The following ANGEL2 variants were observed in gnomAD, a reference collection of about 807,000 sequenced individuals.
ANGEL2 encodes the protein RNA 2',3'-cyclic phosphatase ANGEL2.
ANGEL2 carries 41 observed loss-of-function variants against 66.0 expected under a neutral mutation model. That is an observed-to-expected ratio of 0.62 (90% CI 0.48 to 0.81). The LOEUF (loss-of-function observed/expected upper bound fraction) is 0.81, where lower values mean the gene tolerates loss of function less well. ANGEL2 is among the 30% of genes least tolerant of loss of function. The pLI, the probability that ANGEL2 is intolerant of heterozygous loss-of-function variation, is 0.00. For synonymous variants in ANGEL2, 208 were observed against 226.5 expected (o/e 0.92, Z 0.73); for missense variants, 561 against 641.6 (o/e 0.87, Z 1.36).
At chr1:213,009,202 G>A (rs2148169914) in intron 2 of ANGEL2, among the ~76,000 whole-genome samples, 1 of 152,324 alleles carries the variant, frequency 6.6e-6, no homozygotes, top group South Asian at 2.1e-4. Flanking sequence ...CAAAAGTGAT[G>A]AAAAGAATAA....
At chr1:212,996,106 G>A (rs1301350360) in intron 8 of ANGEL2, among the ~76,000 whole-genome samples, 1 of 152,058 alleles carries the variant, frequency 6.6e-6, no homozygotes, top group Non-Finnish European at 1.5e-5. Flanking sequence ...AGGAGATCGA[G>A]ACCATCCTGG....
chr1:213,006,066 TAC>T (rs2076316678), intron 4 of ANGEL2, among the ~76,000 whole-genome samples: 1 of 152,194 alleles, frequency 6.6e-6, no homozygotes, highest in African/African-American at 2.4e-5. Flanking sequence ...CACCAGAAGG[TAC>T]ACTCCACACA....
At chr1:213,003,942 G>A (rs2076248658) in intron 5 of ANGEL2, among the ~76,000 whole-genome samples, 2 of 152,144 alleles carry the variant, frequency 1.3e-5, no homozygotes, top group South Asian at 2.1e-4. Flanking sequence ...GCTCACGCCT[G>A]TAATCCCAGC....
Position 212,997,231 on chromosome 1 carries a change from G to C in ANGEL2, c.1407C>G (p.Thr469=). 2 of 1,613,992 alleles carry C rather than the reference G, an allele frequency of 1.2e-6. No individual in the cohort carries two copies. Among genetic ancestry groups the C allele is most frequent in the Non-Finnish European group, 1.7e-6 (2 of 1,179,864 alleles). Reference sequence around the variant, plus strand: ...CAGTTATGGCACTTCGGGAATGACAGGTGGTCACTTCTGGAATTCCAGTGT... The same window carrying C: ...CAGTTATGGCACTTCGGGAATGACACGTGGTCACTTCTGGAATTCCAGTGT... The part of the protein sequence containing the change: ...FPDTGIPEVT[T]CHSRSAITVD... Residue 469 remains threonine, a synonymous_variant, in exon 8 of 9, where the codon ACC becomes ACG. Coordinates refer to ENST00000366962, the MANE Select transcript of ANGEL2 (RefSeq NM_144567.5).
At chr1:213,007,078 G>A (rs1173463153) in intron 4 of ANGEL2, 51 bp downstream of exon 4, 2 of 1,511,522 alleles carry the variant, frequency 1.3e-6, no homozygotes. Context: ...GGGCGACAGA[G>A]TGAGACCCTG....
chr1:212,995,490 A>G (rs2075970655), intron 8 of ANGEL2, among the ~76,000 whole-genome samples: 1 of 152,268 alleles, frequency 6.6e-6, no homozygotes, highest in African/African-American at 2.4e-5. Flanking sequence ...CAACTACATA[A>G]GAAACTCATC....
chr1:213,013,337 C>T lies in ANGEL2; in HGVS notation c.141G>A (p.Trp47Ter), dbSNP rs757257905. 1.2e-6 allele frequency: 2 copies of T among 1,614,128 alleles called. No individual in the cohort carries two copies. The highest frequency in any genetic ancestry group is 1.7e-6 in the Non-Finnish European group (2 of 1,180,000). ...TCATACAACTAGAAATATGTCTGTT[C>T]CAGCAACACCTTTGCAGATTCTCCC... ...TPWENLQRCCWNRHISSCMRW... is the reference protein window; with the variant it reads ...TPWENLQRCC Residue 47 changes from tryptophan to a stop codon, truncating the protein, a stop_gained, in exon 2 of 9, where the codon TGG becomes TGA. Transcript: ENST00000366962. LOFTEE classifies it high-confidence loss of function.
rs755923085 is a variant in ANGEL2, at chr1:213,008,311, C to G, written c.541G>C (p.Glu181Gln). Residue 181 changes from glutamate to glutamine, a missense_variant, in exon 3 of 9, where the codon GAA becomes CAA. Transcript: ENST00000366962. ...SYNILSQDLL[E>Q]DNSHLYRHCR... The stretch of plus-strand genomic sequence containing the variant: ...TGTCTATAAAGGTGAGAGTTATCTT[C>G]CAGTAAATCTTGTGAAAGTATATTA... The G allele has an allele frequency of 6.2e-7, 1 of 1,614,176 alleles. No individual in the cohort carries two copies. Among genetic ancestry groups the G allele is most frequent in the Admixed American group, 1.7e-5 (1 of 60,018 alleles).
chr1:213,008,337 T>G lies in ANGEL2; in HGVS notation c.515A>C (p.Tyr172Ser), dbSNP rs747668549. The change falls in exon 3 of 9, where the codon TAT becomes TCT. Residue 172 changes from tyrosine (Y) to serine (S), a missense_variant. Physicochemically the swap from Tyr to Ser is moderately radical, Grantham distance 144. Coordinates refer to ENST00000366962, the MANE Select transcript of ANGEL2 (RefSeq NM_144567.5). ...CAGTAAATCTTGTGAAAGTATATTATAGGACATCACTGAAAAGTCAAACTT... is the reference window on the plus strand; with the variant it reads ...CAGTAAATCTTGTGAAAGTATATTAGAGGACATCACTGAAAAGTCAAACTT... ...ENKFDFSVMSYNILSQDLLED... is the reference protein window; with the variant it reads ...ENKFDFSVMSSNILSQDLLED... 4 of 1,614,100 alleles carry G rather than the reference T, an allele frequency of 2.5e-6. No individual in the cohort carries two copies. The South Asian group carries it at 4.4e-5, about 18-fold the overall frequency.
chr1:213,009,420 C>A (rs2076436737), intron 2 of ANGEL2, among the ~76,000 whole-genome samples: 1 of 152,092 alleles, frequency 6.6e-6, no homozygotes, highest in Non-Finnish European at 1.5e-5. Flanking sequence ...ATGGGAAGAA[C>A]ATGGGAAAAC....
At chr1:213,000,223 G>A (rs898921995) in intron 7 of ANGEL2, 103 bp downstream of exon 7, 6 of 1,112,830 alleles carry the variant, frequency 5.4e-6, no homozygotes, top group East Asian at 2.4e-5. Context: ...TCACCAGCAC[G>A]GAATACTATC....
rs781462091 is a variant in ANGEL2 at position 213,015,690 on chromosome 1, T to A, written c.-19A>T. ...CTTCCATCTTCGCCCTCCGCGTGCG[T>A]CCAGTTCCCAGGCCCCGGGTTCCAC... On this transcript the variant is annotated 5_prime_UTR_variant, in exon 1 of 9. Coordinates refer to ENST00000366962, the MANE Select transcript of ANGEL2 (RefSeq NM_144567.5). The A allele has an allele frequency of 4.3e-6, 7 of 1,613,976 alleles. No homozygotes were observed. The African/African-American group carries it at 8.0e-5, about 18-fold the overall frequency.
In ANGEL2 at chr1:212,992,735, G is replaced by A. The variant is rs2075888772; in HGVS notation, c.*2306C>T. 6.6e-6 allele frequency: 1 copy of A among 152,058 alleles called. No individual in the cohort carries two copies. Among genetic ancestry groups the A allele is most frequent in the Admixed American group, 6.6e-5 (1 of 15,266 alleles). 9.4% of individuals were successfully genotyped at this position (152,058 alleles called of 1,614,324 possible). ...CCTAAAGTCACAATATATTAATCAG[G>A]ATATAAAAAATTAAATTTTCACAGA... On this transcript the variant is annotated 3_prime_UTR_variant, in exon 9 of 9. Coordinates refer to ENST00000366962, the MANE Select transcript of ANGEL2 (RefSeq NM_144567.5).
At chr1:213,012,933 T>A (rs1200164999) in intron 2 of ANGEL2, among the ~76,000 whole-genome samples, 160 bp downstream of exon 2, 1 of 152,250 alleles carries the variant, frequency 6.6e-6, no homozygotes, top group Non-Finnish European at 1.5e-5. Context: ...AAAGACTTCA[T>A]TTAAGGAAGA....
intron 5 of ANGEL2, chr1:213,002,297 A>T (rs573762624): frequency 2.0e-5 from 3 of 152,270 alleles, no homozygotes; most frequent in African/African-American, 7.2e-5. Context: ...GTGAACGAAC[A>T]GTAATCTTTG....
At chr1:213,011,115 T>C in intron 2 of ANGEL2, 1 of 1,187,752 alleles carries the variant, frequency 8.4e-7, no homozygotes, top group South Asian at 1.3e-5. Context: ...GAGGGTTCCA[T>C]GGAAGACAAT....
At chr1:213,001,023 T>G in intron 5 of ANGEL2, 111 bp from the exon 6 acceptor site, 1 of 1,016,882 alleles carries the variant, frequency 9.8e-7, no homozygotes, top group Non-Finnish European at 1.4e-6. Context: ...ATTATTACCC[T>G]TTATTCATTG....
At chr1:213,004,999 T>C (rs746475061) in intron 5 of ANGEL2, 34 bp downstream of exon 5, 1 of 1,475,826 alleles carries the variant, frequency 6.8e-7, no homozygotes, top group African/African-American at 1.4e-5. Context: ...AGCAACTATG[T>C]CCACTCCCTA....
At position 213,008,390 on chromosome 1, in the gene ANGEL2, AACATTTTTGT is replaced by A; in HGVS notation, c.452_461del (p.Asp151ValfsTer16). The stretch of plus-strand genomic sequence containing the variant: ...TCTCACTGTCTTCACATTTGGGATC[AACATTTTTGT>A]CTCCTAGGATCTTCGTTTTTTCTTT... On this transcript the variant is annotated frameshift_variant, in exon 3 of 9. Transcript: ENST00000366962. LOFTEE classifies it high-confidence loss of function. 6 of 1,614,200 alleles carry A rather than the reference AACATTTTTGT, an allele frequency of 3.7e-6. No individual in the cohort carries two copies. Among genetic ancestry groups the A allele is most frequent in the Non-Finnish European group, 5.1e-6 (6 of 1,180,032 alleles).
Sources: gnomAD v4.1 joint callset for allele counts (sites outside exome capture counted in the v4.1 genomes callset) on GRCh38, gnomAD v4.1.1 for gene constraint, MANE v1.5 for transcripts, NCBI Gene and HGNC (gene_info 2026-07-23, HGNC 2026-07-21) for gene names.